The following USP46 variants were observed in gnomAD, a reference collection of about 807,000 sequenced individuals.
USP46 encodes ubiquitin carboxyl-terminal hydrolase 46.
In USP46, 12 loss-of-function variants were observed where a neutral mutation model predicts 44.4. The ratio of observed to expected loss-of-function variants is 0.27; its 90% CI spans 0.17 to 0.44. The LOEUF (loss-of-function observed/expected upper bound fraction) is 0.44. Among genes scored for constraint, USP46 ranks in the 20% least tolerant of loss-of-function variants. USP46 has a pLI of 1.00. For missense variants in USP46, 248 were observed against 444.8 expected (o/e 0.56, Z 3.98); for synonymous variants, 155 against 161.5 (o/e 0.96, Z 0.31).
At position 52,594,267 on chromosome 4, in the gene USP46, A is replaced by G. The variant is rs911919529; in HGVS notation, c.*3373T>C. The G allele has an allele frequency of 6.6e-6, 1 of 152,236 alleles. No individual in the cohort carries two copies. Among genetic ancestry groups the G allele is most frequent in the Non-Finnish European group, 1.5e-5 (1 of 68,032 alleles). The allele number at this position is 152,236 out of a possible 1,614,324, so 9.4% of individuals were successfully genotyped here. ...TTTCACAAGATTGACATTATTGCTT[A>G]AAGTGCTTGAATTGGTTACATTTTA... On this transcript the variant is annotated 3_prime_UTR_variant, in exon 9 of 9. Coordinates refer to ENST00000441222, the MANE Select transcript of USP46 (RefSeq NM_022832.4).
chr4:52,622,999 G>A (rs945463788), intron 4 of USP46, among the ~76,000 whole-genome samples: 1 of 152,224 alleles, frequency 6.6e-6, no homozygotes, highest in Non-Finnish European at 1.5e-5. Context: ...GGCCACTACT[G>A]TACTTTAGGT....
rs1297339060 is a variant in USP46, at chr4:52,630,957, G to A, written c.117+107C>T. 4.4e-6 allele frequency: 4 copies of A among 918,982 alleles called. No homozygotes were observed. The Admixed American group carries it at 6.9e-5, about 16-fold the overall frequency. 56.9% of individuals were successfully genotyped at this position (918,982 alleles called of 1,614,324 possible). A position where few individuals can be genotyped will look rare whatever the true frequency, so the allele number is the denominator to read the frequency against. On this transcript the variant is annotated intron_variant, in intron 2 of 8. Transcript: ENST00000441222. The stretch of plus-strand genomic sequence containing the variant: ...ATATTGGCATTCTACTAACTACGGA[G>A]CATGACCAATCATTTAAAAATTGGT...
chr4:52,608,655 C>T (rs1560393939), intron 5 of USP46, among the ~76,000 whole-genome samples: 1 of 152,216 alleles, frequency 6.6e-6, no homozygotes, highest in Admixed American at 6.5e-5. Flanking sequence ...CACCCCTCCA[C>T]CCCCCACTCT....
chr4:52,656,095 T>C (rs182960347), intron 1 of USP46, among the ~76,000 whole-genome samples: 136 of 152,302 alleles, frequency 8.9e-4, no homozygotes, highest in Admixed American at 1.2e-3. Flanking sequence ...CCCAGAAAAA[T>C]GGTACCTTCT....
chr4:52,602,380 C>A (rs2109595415), intron 6 of USP46, among the ~76,000 whole-genome samples: 1 of 152,296 alleles, frequency 6.6e-6, no homozygotes, highest in African/African-American at 2.4e-5. Context: ...GATATTTGGA[C>A]AATCTACCCC....
chr4:52,600,702 C>A (rs770815737), intron 7 of USP46, among the ~76,000 whole-genome samples: 6 of 151,996 alleles, frequency 3.9e-5, no homozygotes, highest in Admixed American at 2.6e-4. Context: ...CCCCTGCCAC[C>A]CACTTTAGCC....
chr4:52,658,503 G>A (rs554642261), intron 1 of USP46, among the ~76,000 whole-genome samples: 1 of 152,266 alleles, frequency 6.6e-6, no homozygotes, highest in Non-Finnish European at 1.5e-5. Context: ...ACAGAGCCTT[G>A]TCCCTTTTTC....
rs982444865 is a variant in USP46 at position 52,595,258 on chromosome 4, G to C, written c.*2382C>G. ...TGAGGGATGTAAACTAAAAGTGTTT[G>C]CATGTTACTGTCTTTACATAAAGAG... On this transcript the variant is annotated 3_prime_UTR_variant, in exon 9 of 9. Coordinates refer to ENST00000441222, the MANE Select transcript of USP46 (RefSeq NM_022832.4). 1 of 152,578 alleles carries C rather than the reference G, an allele frequency of 6.6e-6. No homozygotes were observed. Among genetic ancestry groups the C allele is most frequent in the African/African-American group, 2.4e-5 (1 of 41,440 alleles). 9.5% of individuals were successfully genotyped at this position (152,578 alleles called of 1,614,324 possible). A position where few individuals can be genotyped will look rare whatever the true frequency, so the allele number is the denominator to read the frequency against.
intron 4 of USP46, among the ~76,000 whole-genome samples, chr4:52,614,142 A>G (rs1717035954): frequency 6.6e-6 from 1 of 152,200 alleles, no homozygotes. Flanking sequence ...ATGAGGACTA[A>G]AGAAAAAAGA....
intron 1 of USP46, among the ~76,000 whole-genome samples, chr4:52,632,934 A>AAGAAAG (rs1717906902): frequency 1.5e-5 from 1 of 67,198 alleles, no homozygotes; most frequent in African/African-American, 7.5e-5. Context: ...GAAAGAAAGA[A>AAGAAAG]AGAAAGAAAG....
At chr4:52,631,837 C>A (rs1248281425) in intron 1 of USP46, among the ~76,000 whole-genome samples, 1 of 152,128 alleles carries the variant, frequency 6.6e-6, no homozygotes, top group South Asian at 2.1e-4. Flanking sequence ...AAAATCCCAT[C>A]TCTACTAAAA....
chr4:52,659,192 A>G lies in USP46; in HGVS notation c.-42T>C. 4 of 1,514,866 alleles carry G rather than the reference A, an allele frequency of 2.6e-6. No homozygotes were observed. The highest frequency in any genetic ancestry group is 2.1e-5 in the Admixed American group (1 of 48,584). The allele number at this position is 1,514,866 out of a possible 1,614,324, so 93.8% of individuals were successfully genotyped here. ...GCGATCCCTCACCGCCATCTTTACA[A>G]GGGGAAACCGGGACTGCCCATGGTG... On this transcript the variant is annotated 5_prime_UTR_variant, in exon 1 of 9. Transcript: ENST00000441222. The surrounding 1 kb of genome is among the most constrained non-coding windows in gnomAD (Gnocchi z 4.2).
At chr4:52,650,923 C>G (rs957676567) in intron 1 of USP46, 2 of 151,746 alleles carry the variant, frequency 1.3e-5, no homozygotes, top group African/African-American at 4.8e-5. Context: ...ATGGTGAAAC[C>G]CTGTCTCTAC....
At position 52,592,217 on chromosome 4, in the gene USP46, G is replaced by A. The variant is rs1363730479; in HGVS notation, c.*5423C>T. 2.0e-5 allele frequency: 3 copies of A among 152,196 alleles called. No homozygotes were observed. Among genetic ancestry groups the A allele is most frequent in the Admixed American group, 6.5e-5 (1 of 15,282 alleles). 9.4% of individuals were successfully genotyped at this position (152,196 alleles called of 1,614,324 possible). A position where few individuals can be genotyped will look rare whatever the true frequency, so the allele number is the denominator to read the frequency against. On this transcript the variant is annotated 3_prime_UTR_variant, in exon 9 of 9. Transcript: ENST00000441222. ...CGAGTCCATAAGAGGGACCCAATCTGTGTCACCTTTTTATCCCCCAGCTCC... is the reference window on the plus strand; with the variant it reads ...CGAGTCCATAAGAGGGACCCAATCTATGTCACCTTTTTATCCCCCAGCTCC...
At chr4:52,632,832 G>A (rs888858429) in intron 1 of USP46, among the ~76,000 whole-genome samples, 1 of 129,018 alleles carries the variant, frequency 7.8e-6, no homozygotes, top group Admixed American at 7.9e-5. Flanking sequence ...GAACAGAACA[G>A]AACAGAAAAA....
chr4:52,653,284 T>A (rs1216227174), intron 1 of USP46, among the ~76,000 whole-genome samples: 1 of 151,948 alleles, frequency 6.6e-6, no homozygotes, highest in Non-Finnish European at 1.5e-5. Flanking sequence ...GGCGGGCGGA[T>A]CACCTGAGGT....
At position 52,659,014 on chromosome 4, in the gene USP46, G is replaced by GC; in HGVS notation, c.36+100dup. ...AACTTCTGGCGGCGCGGACCCCGCC[G>GC]CCCCCGCCGCCCCAGCCACCGGGCG... On this transcript the variant is annotated intron_variant, in intron 1 of 8. Coordinates refer to ENST00000441222, the MANE Select transcript of USP46 (RefSeq NM_022832.4). This position sits in a 1 kb window ranked among gnomAD's most constrained non-coding sequence, Gnocchi z 4.2. 1 of 1,399,558 alleles carries GC rather than the reference G, an allele frequency of 7.1e-7. No individual in the cohort carries two copies. The highest frequency in any genetic ancestry group is 1.4e-5 in the South Asian group (1 of 70,826). The allele number at this position is 1,399,558 out of a possible 1,614,324, so 86.7% of individuals were successfully genotyped here.
rs955851482 is a variant in USP46 at position 52,592,668 on chromosome 4, G to T, written c.*4972C>A. ...AGCTTGGCCAATATGAGAAAACTTTGTATCTACTGAAAATACAAAAATTAC... is the reference window on the plus strand; with the variant it reads ...AGCTTGGCCAATATGAGAAAACTTTTTATCTACTGAAAATACAAAAATTAC... On this transcript the variant is annotated 3_prime_UTR_variant, in exon 9 of 9. Coordinates refer to ENST00000441222, the MANE Select transcript of USP46 (RefSeq NM_022832.4). 2 of 377,184 alleles carry T rather than the reference G, an allele frequency of 5.3e-6. No individual in the cohort carries two copies. Among genetic ancestry groups the T allele is most frequent in the East Asian group, 7.5e-5 (2 of 26,580 alleles). 23.4% of individuals were successfully genotyped at this position (377,184 alleles called of 1,614,324 possible).
intron 4 of USP46, among the ~76,000 whole-genome samples, chr4:52,623,249 C>A (rs1717446361): frequency 6.6e-6 from 1 of 152,140 alleles, no homozygotes; most frequent in African/African-American, 2.4e-5. Context: ...ATGAAAAAGA[C>A]TGAAAATCTG....
Sources: allele counts gnomAD v4.1 joint callset (sites outside exome capture counted in the v4.1 genomes callset), GRCh38; gene constraint gnomAD v4.1.1; non-coding constraint Gnocchi (gnomAD v3.1); transcripts MANE v1.5; gene names NCBI Gene and HGNC (gene_info 2026-07-23, HGNC 2026-07-21).